GFOD1: variants seen among roughly 807,000 people sequenced by gnomAD.
GFOD1 encodes the protein glucose-fructose oxidoreductase domain-containing protein 1.
GFOD1 carries 9 observed loss-of-function variants against 25.4 expected under a neutral mutation model. That is an observed-to-expected ratio of 0.35 (90% CI 0.21 to 0.62). GFOD1 has a LOEUF of 0.62. GFOD1 is among the 20% of genes least tolerant of loss of function. GFOD1 has a pLI of 0.72. For synonymous variants in GFOD1, 253 were observed against 245.6 expected, an observed-to-expected ratio of 1.03 and a Z score of -0.28; for missense variants, 403 against 556.9, an observed-to-expected ratio of 0.72 and a Z score of 2.78.
At chr6:13,414,676 G>A (rs2127566872) in intron 1 of GFOD1, among the ~76,000 whole-genome samples, 1 of 152,324 alleles carries the variant, frequency 6.6e-6, no homozygotes, top group East Asian at 1.9e-4. Context: ...TCAGCACAGT[G>A]GCTGGCATGT....
At chr6:13,465,652 C>G (rs530246763) in intron 1 of GFOD1, among the ~76,000 whole-genome samples, 9 of 152,086 alleles carry the variant, frequency 5.9e-5, no homozygotes, top group Non-Finnish European at 1.3e-4. Flanking sequence ...TGACACCTTC[C>G]CAGGTGTTCC....
intron 1 of GFOD1, among the ~76,000 whole-genome samples, chr6:13,370,777 T>A (rs1216657130): frequency 6.6e-6 from 1 of 152,058 alleles, no homozygotes; most frequent in African/African-American, 2.4e-5. Flanking sequence ...ATTCCTCTCA[T>A]CCCTAAAACC....
At chr6:13,377,008 C>T (rs1031371690) in intron 1 of GFOD1, among the ~76,000 whole-genome samples, 1 of 150,168 alleles carries the variant, frequency 6.7e-6, no homozygotes, top group Non-Finnish European at 1.5e-5. Context: ...TGTATTTACC[C>T]AGCAGATATG....
chr6:13,446,980 G>C (rs144898455), intron 1 of GFOD1, among the ~76,000 whole-genome samples: 1 of 152,326 alleles, frequency 6.6e-6, no homozygotes, highest in African/African-American at 2.4e-5. Context: ...GGGCTCATCT[G>C]TAAGGGATGC....
chr6:13,394,929 G>A (rs821299), intron 1 of GFOD1, among the ~76,000 whole-genome samples: 91,065 of 152,038 alleles, frequency 0.6, 29,750 homozygotes, highest in Non-Finnish European at 0.73. Flanking sequence ...CACCATGCCC[G>A]GCCTTTCATA....
At chr6:13,479,595 T>C (rs1004466737) in intron 1 of GFOD1, among the ~76,000 whole-genome samples, 1 of 152,238 alleles carries the variant, frequency 6.6e-6, no homozygotes, top group African/African-American at 2.4e-5. Context: ...TTGTTGTTGC[T>C]CTTCTTCCCC....
chr6:13,394,228 A>G (rs1197267827), intron 1 of GFOD1, among the ~76,000 whole-genome samples: 2 of 152,208 alleles, frequency 1.3e-5, no homozygotes, highest in Non-Finnish European at 2.9e-5. Context: ...AAAAATGAGA[A>G]AGTTCTTCAT....
chr6:13,471,202 C>G (rs1250315691), intron 1 of GFOD1, among the ~76,000 whole-genome samples: 1 of 152,258 alleles, frequency 6.6e-6, no homozygotes. Flanking sequence ...GAGCTAGCTG[C>G]CAGGTGTTCT....
At chr6:13,419,099 A>T (rs1289024444) in intron 1 of GFOD1, among the ~76,000 whole-genome samples, 1 of 152,150 alleles carries the variant, frequency 6.6e-6, no homozygotes, top group African/African-American at 2.4e-5. Flanking sequence ...GAAGAAGCAG[A>T]TGGTTCTTGC....
At chr6:13,381,956 C>T (rs1468998673) in intron 1 of GFOD1, among the ~76,000 whole-genome samples, 1 of 150,278 alleles carries the variant, frequency 6.7e-6, no homozygotes, top group Non-Finnish European at 1.5e-5. Context: ...CACACACAAA[C>T]TTGCTGACTG....
intron 1 of GFOD1, among the ~76,000 whole-genome samples, chr6:13,446,942 C>G (rs1758012555): frequency 6.6e-6 from 1 of 152,180 alleles, no homozygotes; most frequent in African/African-American, 2.4e-5. Context: ...CCATCCAGCT[C>G]TAAGTAACAA....
chr6:13,435,559 C>A (rs1312866643), intron 1 of GFOD1, among the ~76,000 whole-genome samples: 3 of 152,146 alleles, frequency 2.0e-5, no homozygotes, highest in African/African-American at 7.2e-5. Flanking sequence ...CCCAGTAAGA[C>A]CCGCAGTACA....
intron 1 of GFOD1, among the ~76,000 whole-genome samples, chr6:13,378,334 C>T (rs1466737475): frequency 6.6e-6 from 1 of 152,158 alleles, no homozygotes; most frequent in East Asian, 1.9e-4. Context: ...AGTGCCAACC[C>T]CTCAGGCTCC....
intron 1 of GFOD1, among the ~76,000 whole-genome samples, chr6:13,418,990 T>C (rs762616064): frequency 1.6e-4 from 25 of 152,186 alleles, no homozygotes; most frequent in Non-Finnish European, 2.2e-4. Flanking sequence ...CCGGTCGGTG[T>C]TTCCTGGTCA....
intron 1 of GFOD1, among the ~76,000 whole-genome samples, chr6:13,384,544 G>C (rs1471911184): frequency 6.6e-6 from 1 of 152,144 alleles, no homozygotes; most frequent in African/African-American, 2.4e-5. Flanking sequence ...TCAATACTTT[G>C]GTGTCTCCTC....
chr6:13,475,348 C>T (rs9463817), intron 1 of GFOD1, among the ~76,000 whole-genome samples: 4,811 of 151,816 alleles, frequency 0.032, 247 homozygotes, highest in African/African-American at 0.11. Flanking sequence ...CTGAGGTGGG[C>T]GGATCACTTG....
At chr6:13,444,347 C>T (rs141216228) in intron 1 of GFOD1, among the ~76,000 whole-genome samples, 10 of 149,492 alleles carry the variant, frequency 6.7e-5, no homozygotes, top group Admixed American at 4.0e-4. Context: ...AACAGACACG[C>T]GGGTCTCCTT....
At position 13,364,664 on chromosome 6, in the gene GFOD1, T is replaced by C. The variant is rs1785003462; in HGVS notation, c.*79A>G. 3 of 1,208,634 alleles carry C rather than the reference T, an allele frequency of 2.5e-6. No homozygotes were observed. In the South Asian group the frequency reaches 4.2e-5, roughly 17 times the overall value. 74.9% of individuals were successfully genotyped at this position (1,208,634 alleles called of 1,614,324 possible). On this transcript the variant is annotated 3_prime_UTR_variant, in exon 2 of 2. Transcript: ENST00000379287. This position sits in a 1 kb window ranked among gnomAD's most constrained non-coding sequence, Gnocchi z 4.1. ...TCCCTGATCCCCACATTCCCCATGGTCACCCTCTCCCCTCGGCCCTTCCCT... is the reference window on the plus strand; with the variant it reads ...TCCCTGATCCCCACATTCCCCATGGCCACCCTCTCCCCTCGGCCCTTCCCT...
Position 13,389,335 on chromosome 6 carries a change from T to C in GFOD1, c.254-23673A>G, listed in dbSNP as rs544149345. Among the ~76,000 whole-genome samples, 61 of 152,358 alleles carry C rather than the reference T, an allele frequency of 4.0e-4. No homozygotes were observed. In the Middle Eastern group the frequency reaches 0.017, roughly 42 times the overall value. On this transcript the variant is annotated intron_variant, in intron 1 of 1. Transcript: ENST00000379287. ...ACACATATGTTTATTGCAGTACTAT[T>C]CACAACAGCAGAGTCTTGGAACCAA...
Sources: allele counts gnomAD v4.1 joint callset (sites outside exome capture counted in the v4.1 genomes callset), GRCh38; gene constraint gnomAD v4.1.1; non-coding constraint Gnocchi (gnomAD v3.1); transcripts MANE v1.5; gene names NCBI Gene and HGNC (gene_info 2026-07-23, HGNC 2026-07-21).